Variants in PDE4D observed in about 807,000 individuals in gnomAD.
PDE4D encodes the protein phosphodiesterase 4D, also known as 3',5'-cyclic-AMP phosphodiesterase 4D.
PDE4D carries 24 observed loss-of-function variants against 87.4 expected under a neutral mutation model. The ratio of observed to expected loss-of-function variants is 0.27; its 90% confidence interval spans 0.20 to 0.39. PDE4D has a LOEUF of 0.39. Ranked by LOEUF, PDE4D falls within the 10% of genes least tolerant of loss-of-function variation. The probability of loss-of-function intolerance (pLI) is 1.00; values close to 1 mark genes in which losing one functional copy is unlikely to be tolerated. For missense variants in PDE4D, 714 were observed against 1,041.0 expected, an observed-to-expected ratio of 0.69 and a Z score of 4.32; for synonymous variants, 384 against 383.2, an observed-to-expected ratio of 1.00 and a Z score of -0.02.
chr5:60,191,800 C>G (rs1213455230), intron 1 of PDE4D, among the ~76,000 whole-genome samples: 2 of 151,988 alleles, frequency 1.3e-5, no homozygotes, highest in Non-Finnish European at 2.9e-5. Context: ...AGTGTGAGAC[C>G]AGCCTGGCCA....
chr5:59,631,906 C>T (rs1330898351), intron 1 of PDE4D, among the ~76,000 whole-genome samples: 2 of 152,146 alleles, frequency 1.3e-5, no homozygotes. Flanking sequence ...CATTCAATCC[C>T]CTGGAAGGGG....
In PDE4D at chr5:60,166,030, G is replaced by T. The variant is rs532771279; in HGVS notation, c.42+19527C>A. 7.9e-5 allele frequency among the ~76,000 whole-genome samples: 12 copies of T among 152,148 alleles called. No homozygotes were observed. The South Asian group carries it at 2.5e-3, about 32-fold the overall frequency. On this transcript the variant is annotated intron_variant, in intron 2 of 16. Transcript: ENST00000502484. ...TCTGATTCCTTGCATTTTGTGTTGT[G>T]TGTACCAATAATAGGGTCTTCCTTT...
At chr5:59,126,527 G>A (rs950130917) in intron 5 of PDE4D, among the ~76,000 whole-genome samples, 5 of 152,194 alleles carry the variant, frequency 3.3e-5, no homozygotes, top group African/African-American at 1.2e-4. Context: ...AAGGAATGCT[G>A]TTCAGGGCTT....
intron 1 of PDE4D, among the ~76,000 whole-genome samples, chr5:59,703,031 G>A (rs1010807066): frequency 2.0e-5 from 3 of 152,126 alleles, no homozygotes; most frequent in African/African-American, 7.2e-5. Context: ...ACGTGGAACT[G>A]TCTTCAATCC....
At chr5:60,129,491 C>A (rs1779393532) in intron 2 of PDE4D, among the ~76,000 whole-genome samples, 1 of 152,144 alleles carries the variant, frequency 6.6e-6, no homozygotes, top group African/African-American at 2.4e-5. Context: ...TTGATGACTG[C>A]AACTTAATTT....
intron 1 of PDE4D, among the ~76,000 whole-genome samples, chr5:59,583,996 C>A (rs10514859): frequency 0.076 from 11,566 of 152,240 alleles, 600 homozygotes; most frequent in Admixed American, 0.14. Context: ...TGGCCTGTTG[C>A]CAACTTCTGA....
Position 60,184,497 on chromosome 5 carries a change from A to T in PDE4D, c.42+1060T>A, listed in dbSNP as rs368623029. ...TCCATACAACCAAACACCAACCAGTAAAACACATAAATTTGAACAATTCCT... is the reference window on the plus strand; with the variant it reads ...TCCATACAACCAAACACCAACCAGTTAAACACATAAATTTGAACAATTCCT... On this transcript the variant is annotated intron_variant, in intron 2 of 16. Coordinates refer to the PDE4D transcript ENST00000502484. 7.5e-4 allele frequency among the ~76,000 whole-genome samples: 115 copies of T among 152,318 alleles called. 1 individual carries two copies. Among genetic ancestry groups the T allele is most frequent in the Middle Eastern group, 6.8e-3 (2 of 294 alleles).
intron 1 of PDE4D, among the ~76,000 whole-genome samples, chr5:60,365,470 T>C (rs766627799): frequency 6.6e-6 from 1 of 152,128 alleles, no homozygotes; most frequent in African/African-American, 2.4e-5. Context: ...TTACGGTTTT[T>C]TAAATCTCTC....
At chr5:59,297,370 T>C in intron 1 of PDE4D, among the ~76,000 whole-genome samples, 1 of 152,340 alleles carries the variant, frequency 6.6e-6, no homozygotes, top group East Asian at 1.9e-4. Flanking sequence ...CTATTTAGAA[T>C]ATTATCACAT....
At chr5:59,778,928 G>A (rs1764337659) in intron 1 of PDE4D, among the ~76,000 whole-genome samples, 1 of 152,112 alleles carries the variant, frequency 6.6e-6, no homozygotes, top group South Asian at 2.1e-4. Context: ...ACTTTGGGAG[G>A]CCAAGTTGGG....
chr5:59,374,537 T>C (rs781541844), intron 1 of PDE4D, among the ~76,000 whole-genome samples: 132 of 152,132 alleles, frequency 8.7e-4, no homozygotes, highest in Non-Finnish European at 1.6e-3. Flanking sequence ...AGCAAGTTCT[T>C]AGAGACCTCC....
At chr5:59,088,777 G>A (rs1053977942) in intron 5 of PDE4D, among the ~76,000 whole-genome samples, 3 of 152,136 alleles carry the variant, frequency 2.0e-5, no homozygotes, top group Non-Finnish European at 4.4e-5. Context: ...CAGACACTGT[G>A]ACCTATCAGA....
At chr5:60,132,961 G>C (rs188957583) in intron 2 of PDE4D, among the ~76,000 whole-genome samples, 48 of 152,284 alleles carry the variant, frequency 3.2e-4, no homozygotes, top group African/African-American at 1.1e-3. Flanking sequence ...AATGAAATAG[G>C]AAATTACTAT....
At chr5:60,065,287 GTGTGTGTT>G (rs1374522662) in intron 2 of PDE4D, among the ~76,000 whole-genome samples, 1 of 151,814 alleles carries the variant, frequency 6.6e-6, no homozygotes, top group East Asian at 1.9e-4. Context: ...GTGTGTGTGT[GTGTGTGTT>G]TGTGCACGCA....
chr5:60,172,475 T>A (rs1783550552), intron 2 of PDE4D, among the ~76,000 whole-genome samples: 1 of 152,058 alleles, frequency 6.6e-6, no homozygotes, highest in South Asian at 2.1e-4. Flanking sequence ...CTCTGCACAG[T>A]TGTTCCAATT....
intron 1 of PDE4D, among the ~76,000 whole-genome samples, chr5:60,512,408 T>G (rs1397857721): frequency 6.6e-6 from 1 of 152,202 alleles, no homozygotes. Flanking sequence ...TTTTGAATCA[T>G]CAAATACTTG....
At chr5:60,142,538 T>C (rs1780625529) in intron 2 of PDE4D, among the ~76,000 whole-genome samples, 1 of 152,188 alleles carries the variant, frequency 6.6e-6, no homozygotes, top group Non-Finnish European at 1.5e-5. Context: ...GAGCCCTCTA[T>C]ACTGGGTGGG....
intron 1 of PDE4D, among the ~76,000 whole-genome samples, chr5:59,734,233 G>A (rs1757774191): frequency 6.6e-6 from 1 of 151,666 alleles, no homozygotes; most frequent in African/African-American, 2.4e-5. Context: ...CTCAAACCAT[G>A]GTTGACAGTT....
chr5:59,435,839 A>T (rs1466871535), intron 1 of PDE4D, among the ~76,000 whole-genome samples: 1 of 152,190 alleles, frequency 6.6e-6, no homozygotes, highest in African/African-American at 2.4e-5. Context: ...AATACATTGG[A>T]AGTAGTGGAG....
Sources: gnomAD v4.1 joint callset for allele counts (sites outside exome capture counted in the v4.1 genomes callset) on GRCh38, gnomAD v4.1.1 for gene constraint, MANE v1.5 for transcripts, NCBI Gene and HGNC (gene_info 2026-07-23, HGNC 2026-07-21) for gene names.